Variants in PPP2R5A observed in about 807,000 individuals in gnomAD.
PPP2R5A encodes protein phosphatase 2 regulatory subunit B'alpha, also known as serine/threonine-protein phosphatase 2A 56 kDa regulatory subunit alpha isoform.
A neutral mutation model predicts 64.2 loss-of-function variants in PPP2R5A; 25 were observed. That is an observed-to-expected ratio of 0.39 (90% CI 0.28 to 0.54). The LOEUF is 0.54. Ranked by LOEUF, PPP2R5A falls within the 20% of genes least tolerant of loss-of-function variation. The pLI, the probability that PPP2R5A is intolerant of heterozygous loss-of-function variation, is 0.67. For missense variants in PPP2R5A, 425 were observed against 576.3 expected (o/e 0.74, Z 2.69); for synonymous variants, 198 against 201.2 (o/e 0.98, Z 0.13).
At position 212,289,289 on chromosome 1, in the gene PPP2R5A, T is replaced by G. The variant is rs182359686; in HGVS notation, c.181+2998T>G. On this transcript the variant is annotated intron_variant, in intron 1 of 12. Coordinates refer to ENST00000261461, the MANE Select transcript of PPP2R5A (RefSeq NM_006243.4). ...TTAATCCCTGTGTATCTCCTGCTTT[T>G]TCACACCTAGTAAGTAAGGGTAATA... Among the ~76,000 whole-genome samples, 67 of 152,362 alleles carry G rather than the reference T, an allele frequency of 4.4e-4. 1 individual carries two copies. Among genetic ancestry groups the G allele is most frequent in the African/African-American group, 1.6e-3 (65 of 41,584 alleles).
At chr1:212,287,151 T>C (rs1658519099) in intron 1 of PPP2R5A, among the ~76,000 whole-genome samples, 1 of 152,212 alleles carries the variant, frequency 6.6e-6, no homozygotes, top group Non-Finnish European at 1.5e-5. Flanking sequence ...GGCTCACTTT[T>C]CCCACTAGGT....
intron 3 of PPP2R5A, among the ~76,000 whole-genome samples, chr1:212,339,846 T>G (rs1659657086): frequency 6.6e-6 from 1 of 152,030 alleles, no homozygotes; most frequent in African/African-American, 2.4e-5. Context: ...AATAGGCTAA[T>G]GCATGCCACA....
At chr1:212,287,156 C>T (rs911440696) in intron 1 of PPP2R5A, among the ~76,000 whole-genome samples, 7 of 152,134 alleles carry the variant, frequency 4.6e-5, no homozygotes, top group African/African-American at 1.7e-4. Flanking sequence ...ACTTTTCCCA[C>T]TAGGTTTAGA....
intron 8 of PPP2R5A, among the ~76,000 whole-genome samples, chr1:212,356,088 G>A (rs942149487): frequency 6.6e-6 from 1 of 151,938 alleles, no homozygotes; most frequent in Non-Finnish European, 1.5e-5. Context: ...AATAAAAATA[G>A]TCTCTTTTGT....
intron 1 of PPP2R5A, among the ~76,000 whole-genome samples, chr1:212,295,433 C>T (rs949536996): frequency 4.6e-5 from 7 of 152,086 alleles, no homozygotes; most frequent in African/African-American, 1.7e-4. Context: ...AGTGAAGCTG[C>T]CTAGTAGGAA....
At chr1:212,288,096 A>C (rs1431211303) in intron 1 of PPP2R5A, among the ~76,000 whole-genome samples, 1 of 152,040 alleles carries the variant, frequency 6.6e-6, no homozygotes, top group Non-Finnish European at 1.5e-5. Flanking sequence ...AGCTCACTGC[A>C]ACCTCCGCCT....
chr1:212,299,823 T>G (rs1261101354), intron 1 of PPP2R5A, among the ~76,000 whole-genome samples: 2 of 152,092 alleles, frequency 1.3e-5, no homozygotes, highest in East Asian at 3.8e-4. Flanking sequence ...ACTTTTTTTT[T>G]TTTTTTTGAG....
At chr1:212,337,080 A>G (rs1484352121) in intron 3 of PPP2R5A, among the ~76,000 whole-genome samples, 1 of 152,180 alleles carries the variant, frequency 6.6e-6, no homozygotes, top group African/African-American at 2.4e-5. Context: ...GAATAAAAAG[A>G]GATAGAAGAA....
chr1:212,335,182 A>G (rs1357061705), intron 3 of PPP2R5A, among the ~76,000 whole-genome samples: 2 of 151,948 alleles, frequency 1.3e-5, no homozygotes, highest in African/African-American at 4.8e-5. Context: ...TTCTGTTATT[A>G]TAAAAAGATG....
At chr1:212,354,012 G>T (rs190439740) in intron 8 of PPP2R5A, among the ~76,000 whole-genome samples, 1 of 151,776 alleles carries the variant, frequency 6.6e-6, no homozygotes, top group Admixed American at 6.6e-5. Context: ...GTGAAACCCC[G>T]TCTCTACTAA....
intron 6 of PPP2R5A, 109 bp downstream of exon 6, chr1:212,347,515 T>A: frequency 1.3e-6 from 1 of 795,544 alleles, no homozygotes; most frequent in Non-Finnish European, 2.0e-6. Context: ...AGTTTAAATG[T>A]AGAACACATA....
At chr1:212,300,860 G>C (rs1413198662) in intron 1 of PPP2R5A, among the ~76,000 whole-genome samples, 1 of 151,914 alleles carries the variant, frequency 6.6e-6, no homozygotes. Flanking sequence ...CCAATTTAAA[G>C]AATGTGCCGT....
intron 1 of PPP2R5A, among the ~76,000 whole-genome samples, chr1:212,298,861 G>A (rs1303704597): frequency 1.7e-4 from 7 of 40,670 alleles, no homozygotes; most frequent in Admixed American, 5.4e-4. Context: ...CGGACGGGGC[G>A]GCTGGCCAGG....
chr1:212,343,921 T>C (rs1227381797), intron 4 of PPP2R5A, among the ~76,000 whole-genome samples: 1 of 152,222 alleles, frequency 6.6e-6, no homozygotes, highest in Non-Finnish European at 1.5e-5. Context: ...GGATCTGTTT[T>C]CTACCTTCTA....
At chr1:212,338,546 T>TGGATCATGAGGTCAGAA (rs922868755) in intron 3 of PPP2R5A, among the ~76,000 whole-genome samples, 1 of 151,996 alleles carries the variant, frequency 6.6e-6, no homozygotes, top group East Asian at 1.9e-4. Flanking sequence ...CTGAGGCAGG[T>TGGATCATGAGGTCAGAA]GGATCATGAG....
At position 212,348,422 on chromosome 1, in the gene PPP2R5A, A is replaced by G. The variant is rs984797429; in HGVS notation, c.798A>G (p.Ala266=). 1 of 1,610,760 alleles carries G rather than the reference A, an allele frequency of 6.2e-7. No homozygotes were observed. Among genetic ancestry groups the G allele is most frequent in the African/African-American group, 1.3e-5 (1 of 74,842 alleles). ...ATGGCTTTGCATTGCCACTGAAAGC[A>G]GAACATAAACAATTTCTAATGAAGG... is the stretch of plus-strand genomic sequence containing the variant. The part of the protein sequence containing the change: ...IINGFALPLK[A]EHKQFLMKVL... Residue 266 remains alanine, a synonymous_variant, in exon 7 of 13, where the codon GCA becomes GCG. Transcript: ENST00000261461.
chr1:212,343,730 G>A (rs769627686), intron 4 of PPP2R5A, among the ~76,000 whole-genome samples: 15 of 152,148 alleles, frequency 9.9e-5, no homozygotes, highest in Admixed American at 2.0e-4. Flanking sequence ...TTATTTCCTT[G>A]TGCAGCTCTT....
At chr1:212,322,787 A>ATTTATTTC (rs1351241755) in intron 1 of PPP2R5A, among the ~76,000 whole-genome samples, 2 of 140,742 alleles carry the variant, frequency 1.4e-5, no homozygotes, top group Non-Finnish European at 3.0e-5. Flanking sequence ...TTATTTATTT[A>ATTTATTTC]TTTATTTCAT....
chr1:212,290,658 T>G (rs1041829450), intron 1 of PPP2R5A, among the ~76,000 whole-genome samples: 2 of 152,256 alleles, frequency 1.3e-5, no homozygotes, highest in Non-Finnish European at 2.9e-5. Context: ...GGATCATCTC[T>G]TCCTCCTCTC....
Sources: allele counts gnomAD v4.1 joint callset (sites outside exome capture counted in the v4.1 genomes callset), GRCh38; gene constraint gnomAD v4.1.1; transcripts MANE v1.5; gene names NCBI Gene and HGNC (gene_info 2026-07-23, HGNC 2026-07-21).